The following MAMDC2 variants were observed in gnomAD, a reference collection of about 807,000 sequenced individuals.
MAMDC2 encodes the protein MAM domain containing 2.
Under a neutral mutation model 89.8 loss-of-function variants are expected in MAMDC2, and 57 were observed. The ratio of observed to expected loss-of-function variants is 0.63; its 90% CI spans 0.51 to 0.79. The LOEUF (loss-of-function observed/expected upper bound fraction) is 0.79, where lower values mean the gene tolerates loss of function less well. Among genes scored for constraint, MAMDC2 ranks in the 30% least tolerant of loss-of-function variants. The pLI, the probability that MAMDC2 is intolerant of heterozygous loss-of-function variation, is 0.00. For synonymous variants in MAMDC2, 313 were observed against 293.4 expected, an observed-to-expected ratio of 1.07 and a Z score of -0.68; for missense variants, 800 against 820.6, an observed-to-expected ratio of 0.97 and a Z score of 0.31.
chr9:70,126,697 C>T (rs1466651867), intron 6 of MAMDC2, among the ~76,000 whole-genome samples: 1 of 152,218 alleles, frequency 6.6e-6, no homozygotes, highest in Non-Finnish European at 1.5e-5. Flanking sequence ...TGGCGACCCT[C>T]TCCTTCTGAA....
At chr9:70,129,972 G>A (rs926903482) in intron 6 of MAMDC2, among the ~76,000 whole-genome samples, 11 of 150,652 alleles carry the variant, frequency 7.3e-5, no homozygotes, top group Admixed American at 7.3e-4. Flanking sequence ...GCATTCCTTG[G>A]CTTGTAGCTC....
intron 2 of MAMDC2, among the ~76,000 whole-genome samples, chr9:70,099,701 G>A (rs1288530333): frequency 3.3e-5 from 5 of 152,268 alleles, no homozygotes; most frequent in Admixed American, 1.3e-4. Context: ...CAGGCCAGGC[G>A]CGGTGGTTCA....
At chr9:70,052,830 G>A (rs777616319) in intron 2 of MAMDC2, among the ~76,000 whole-genome samples, 10 of 152,208 alleles carry the variant, frequency 6.6e-5, no homozygotes, top group Non-Finnish European at 1.3e-4. Context: ...GGCTTATGCT[G>A]TAATTTCCAA....
chr9:70,186,757 G>T (rs1392502823), intron 11 of MAMDC2, among the ~76,000 whole-genome samples: 2 of 152,200 alleles, frequency 1.3e-5, no homozygotes, highest in Non-Finnish European at 2.9e-5. Context: ...TCAGCTTCTG[G>T]TGAAGTCTCA....
At chr9:70,089,727 A>C (rs918093283) in intron 2 of MAMDC2, among the ~76,000 whole-genome samples, 1 of 152,164 alleles carries the variant, frequency 6.6e-6, no homozygotes, top group African/African-American at 2.4e-5. Flanking sequence ...GGTCCAAATA[A>C]ATCTTAGGAA....
chr9:70,138,286 ACTTT>A lies in MAMDC2; in HGVS notation c.995-1854_995-1851del, dbSNP rs1483038913. ...ATTCCAGTTTGTATGTACATATGAT[ACTTT>A]CTTTATTCAGTCATCCGCTGATGGG... On this transcript the variant is annotated intron_variant, in intron 7 of 13. Transcript: ENST00000377182. Among the ~76,000 whole-genome samples the A allele has an allele frequency of 3.9e-5, 6 of 152,286 alleles. No homozygotes were observed. The East Asian group carries it at 1.2e-3, about 29-fold the overall frequency.
intron 2 of MAMDC2, chr9:70,062,854 C>T (rs947993272): frequency 1.3e-5 from 2 of 152,174 alleles, no homozygotes; most frequent in African/African-American, 2.4e-5. Context: ...TCAGCAAAAA[C>T]GGATTTTTTT....
chr9:70,052,710 A>G (rs1284582367), intron 2 of MAMDC2, among the ~76,000 whole-genome samples: 4 of 152,214 alleles, frequency 2.6e-5, no homozygotes, highest in African/African-American at 7.2e-5. Context: ...CTGTAAAGCC[A>G]TTGTTGAGAT....
Position 70,043,985 on chromosome 9 carries a change from C to T in MAMDC2, c.-213C>T. 1.6e-6 allele frequency: 1 copy of T among 611,870 alleles called. No individual in the cohort carries two copies. The highest frequency in any genetic ancestry group is 1.8e-5 in the African/African-American group (1 of 54,114). 37.9% of individuals were successfully genotyped at this position (611,870 alleles called of 1,614,324 possible). A position where few individuals can be genotyped will look rare whatever the true frequency, so the allele number is the denominator to read the frequency against. On this transcript the variant is annotated 5_prime_UTR_variant, in exon 1 of 14. Transcript: ENST00000377182. ...CTGCTGCTCAGCGCCGGGGCGCTGG[C>T]GCTCTCCATTCGAGCACCTTCCAGC...
chr9:70,122,224 C>T (rs978897610), intron 5 of MAMDC2, among the ~76,000 whole-genome samples: 2 of 152,154 alleles, frequency 1.3e-5, no homozygotes, highest in Admixed American at 6.5e-5. Context: ...CAGTCTTGGT[C>T]TTATTCCCAG....
At chr9:70,156,974 T>C (rs889988159) in intron 9 of MAMDC2, among the ~76,000 whole-genome samples, 5 of 152,208 alleles carry the variant, frequency 3.3e-5, no homozygotes, top group African/African-American at 9.6e-5. Flanking sequence ...GTCCATTCTT[T>C]CGTGAGTTTT....
intron 5 of MAMDC2, among the ~76,000 whole-genome samples, chr9:70,115,297 C>CA (rs919124946): frequency 1.7e-3 from 242 of 142,978 alleles, no homozygotes; most frequent in East Asian, 6.7e-3. Flanking sequence ...TGAGATAAGA[C>CA]AAAAAAAAAA....
chr9:70,204,265 C>T (rs953714830), intron 11 of MAMDC2, among the ~76,000 whole-genome samples: 7 of 150,386 alleles, frequency 4.7e-5, no homozygotes, highest in Non-Finnish European at 8.9e-5. Context: ...TGTTAGTTTT[C>T]CTTCTAACAG....
intron 5 of MAMDC2, among the ~76,000 whole-genome samples, chr9:70,121,742 G>C (rs2030295922): frequency 6.7e-6 from 1 of 150,354 alleles, no homozygotes; most frequent in Non-Finnish European, 1.5e-5. Flanking sequence ...GCCTTTTCCA[G>C]AGGTTCTGGA....
chr9:70,193,279 A>G (rs2032920440), intron 11 of MAMDC2, among the ~76,000 whole-genome samples: 1 of 152,128 alleles, frequency 6.6e-6, no homozygotes, highest in Non-Finnish European at 1.5e-5. Context: ...CACTGATGTC[A>G]CTGAAATTTC....
In MAMDC2 at chr9:70,225,758, T is replaced by C; in HGVS notation, c.1920T>C (p.Phe640=). The C allele has an allele frequency of 6.3e-7, 1 of 1,593,786 alleles. No individual in the cohort carries two copies. The highest frequency in any genetic ancestry group is 1.7e-4 in the Middle Eastern group (1 of 6,018). ...ACATATTATTCTTTCAGATAATTTT[T>C]GAAGCCATTCGAGGAGTATCAATAA... The part of the protein sequence containing the change: ...YSCERQHQII[F]EAIRGVSIRS... The change falls in exon 13 of 14, where the codon TTT becomes TTC. Residue 640 remains phenylalanine, a synonymous_variant. Transcript: ENST00000377182.
At chr9:70,057,986 G>A (rs3015239) in intron 2 of MAMDC2, among the ~76,000 whole-genome samples, 39,672 of 152,044 alleles carry the variant, frequency 0.26, 6,981 homozygotes, top group African/African-American at 0.5. Flanking sequence ...CTTGATAATC[G>A]TTTAAAAATT....
intron 1 of MAMDC2, 108 bp downstream of exon 1, chr9:70,044,339 C>A: frequency 7.9e-7 from 1 of 1,259,790 alleles, no homozygotes; most frequent in Non-Finnish European, 1.1e-6. Flanking sequence ...CATCCGAGGG[C>A]GCCTCCTGAT....
In MAMDC2 at chr9:70,126,340, C is replaced by G. The variant is rs761895967; in HGVS notation, c.825C>G (p.Ile275Met). The G allele has an allele frequency of 6.2e-7, 1 of 1,614,108 alleles. No homozygotes were observed. The highest frequency in any genetic ancestry group is 8.5e-7 in the Non-Finnish European group (1 of 1,180,010). Residue 275 changes from isoleucine (I) to methionine (M), a missense_variant, in exon 6 of 14, where the codon ATC becomes ATG. Ile to Met is a conservative substitution (Grantham distance 10, BLOSUM62 1). Transcript: ENST00000377182. The part of the protein sequence containing the change: ...TRDVAGLYEE[I>M]WKADRPGNAA... ...ATGTGGCTGGCCTTTACGAGGAAAT[C>G]TGGAAAGCAGACAGGCCAGGGAATG...
Sources: gnomAD v4.1 joint callset for allele counts (sites outside exome capture counted in the v4.1 genomes callset) on GRCh38, gnomAD v4.1.1 for gene constraint, MANE v1.5 for transcripts, NCBI Gene and HGNC (gene_info 2026-07-23, HGNC 2026-07-21) for gene names.